Variants in EZR observed in about 807,000 individuals in gnomAD.
EZR encodes the protein cytovillin 2.
EZR carries 40 observed loss-of-function variants against 74.8 expected under a neutral mutation model. The ratio of observed to expected loss-of-function variants is 0.53; its 90% confidence interval spans 0.42 to 0.70. EZR has a LOEUF of 0.70. Ranked by LOEUF, EZR falls within the 30% of genes least tolerant of loss-of-function variation. The probability of loss-of-function intolerance (pLI) is 0.00; values close to 1 mark genes in which losing one functional copy is unlikely to be tolerated. For synonymous variants in EZR, 341 were observed against 283.3 expected (o/e 1.20, Z -2.05); for missense variants, 678 against 755.8 (o/e 0.90, Z 1.21).
chr6:158,814,347 C>A (rs987207941), intron 2 of EZR, among the ~76,000 whole-genome samples: 1 of 151,820 alleles, frequency 6.6e-6, no homozygotes, highest in African/African-American at 2.4e-5. Context: ...CCAATTTCCC[C>A]ATCAGATGAT....
chr6:158,777,164 G>A (rs1223709228), intron 7 of EZR, among the ~76,000 whole-genome samples: 1 of 152,226 alleles, frequency 6.6e-6, no homozygotes, highest in African/African-American at 2.4e-5. Context: ...GAAACCAACA[G>A]GGAGGGCCAA....
intron 10 of EZR, 138 bp from the exon 11 acceptor site, chr6:158,770,082 AG>A: frequency 8.7e-7 from 1 of 1,152,202 alleles, no homozygotes; most frequent in Admixed American, 2.6e-5. Flanking sequence ...GTGACCCTGG[AG>A]GAAAGCACTT....
At chr6:158,771,770 TG>T (rs904259552) in intron 8 of EZR, among the ~76,000 whole-genome samples, 4 of 152,170 alleles carry the variant, frequency 2.6e-5, no homozygotes, top group African/African-American at 7.2e-5. Flanking sequence ...CTCTCAGCCT[TG>T]GGAAACCTTT....
chr6:158,766,768 C>G lies in EZR; in HGVS notation c.*146G>C, dbSNP rs775749130. 8.3e-6 allele frequency: 7 copies of G among 842,164 alleles called. No individual in the cohort carries two copies. Among genetic ancestry groups the G allele is most frequent in the Non-Finnish European group, 1.3e-5 (7 of 530,768 alleles). The allele number at this position is 842,164 out of a possible 1,614,324, so 52.2% of individuals were successfully genotyped here. A position where few individuals can be genotyped will look rare whatever the true frequency, so the allele number is the denominator to read the frequency against. On this transcript the variant is annotated 3_prime_UTR_variant, in exon 14 of 14. Coordinates refer to ENST00000367075, the MANE Select transcript of EZR (RefSeq NM_001111077.2). The stretch of plus-strand genomic sequence containing the variant: ...ACCAGGGCGCCTCCCTGGTTCCCAG[C>G]CCAGAATGTTTCTGTTGGGTAACTG...
At chr6:158,787,273 C>T (rs1479572025) in intron 3 of EZR, 70 bp from the exon 4 acceptor site, 13 of 1,292,196 alleles carry the variant, frequency 1.0e-5, no homozygotes, top group Non-Finnish European at 1.5e-5. Flanking sequence ...TTTTGGCTGT[C>T]GTTCATCACA....
At chr6:158,770,574 T>C (rs981310740) in intron 10 of EZR, among the ~76,000 whole-genome samples, 190 bp downstream of exon 10, 1 of 152,172 alleles carries the variant, frequency 6.6e-6, no homozygotes, top group African/African-American at 2.4e-5. Flanking sequence ...TTAGAACAAC[T>C]AGCATCAAAG....
At chr6:158,767,592 C>T (rs1790935287) in intron 12 of EZR, 80 bp from the exon 13 acceptor site, 1 of 1,447,286 alleles carries the variant, frequency 6.9e-7, no homozygotes, top group Non-Finnish European at 9.3e-7. Context: ...TGTCACCTCC[C>T]TCTGTCCTGG....
chr6:158,777,690 C>T (rs562409352), intron 7 of EZR, among the ~76,000 whole-genome samples: 2 of 152,256 alleles, frequency 1.3e-5, no homozygotes, highest in South Asian at 2.1e-4. Context: ...ATACAGGTTT[C>T]GTTATGATCA....
At chr6:158,794,074 C>T (rs1196587054) in intron 2 of EZR, among the ~76,000 whole-genome samples, 3 of 152,154 alleles carry the variant, frequency 2.0e-5, no homozygotes, top group East Asian at 3.9e-4. Context: ...GTCAGGCGTT[C>T]GAGACCGGCC....
At chr6:158,812,947 A>C (rs1467294812) in intron 2 of EZR, among the ~76,000 whole-genome samples, 1 of 152,162 alleles carries the variant, frequency 6.6e-6, no homozygotes, top group Non-Finnish European at 1.5e-5. Flanking sequence ...CCTTGGTCCA[A>C]GCTATGAGCT....
intron 2 of EZR, among the ~76,000 whole-genome samples, chr6:158,811,503 A>G (rs1273184987): frequency 6.6e-6 from 1 of 152,248 alleles, no homozygotes; most frequent in East Asian, 1.9e-4. Context: ...TAAGAAAAAA[A>G]TTATAGTTCA....
intron 2 of EZR, among the ~76,000 whole-genome samples, chr6:158,800,494 A>G (rs1487190126): frequency 6.6e-6 from 1 of 152,202 alleles, no homozygotes; most frequent in Non-Finnish European, 1.5e-5. Context: ...GGAGGTGGAA[A>G]TAACAGTATA....
intron 8 of EZR, among the ~76,000 whole-genome samples, chr6:158,775,483 C>G (rs1209366856): frequency 2.0e-5 from 3 of 152,192 alleles, no homozygotes; most frequent in African/African-American, 7.2e-5. Context: ...CTAAGCAGTA[C>G]CCAGTCCCAA....
chr6:158,797,854 A>G (rs1317810971), intron 2 of EZR, among the ~76,000 whole-genome samples: 1 of 152,192 alleles, frequency 6.6e-6, no homozygotes, highest in Non-Finnish European at 1.5e-5. Context: ...CATAAAATTT[A>G]CCCATGGAAA....
rs779987639 is a variant in EZR at position 158,766,905 on chromosome 6, G to A, written c.*9C>T. 6 of 1,613,620 alleles carry A rather than the reference G, an allele frequency of 3.7e-6. No homozygotes were observed. Among genetic ancestry groups the A allele is most frequent in the Non-Finnish European group, 5.1e-6 (6 of 1,179,716 alleles). On this transcript the variant is annotated 3_prime_UTR_variant, in exon 14 of 14. Transcript: ENST00000367075. The stretch of plus-strand genomic sequence containing the variant: ...GAGCACCCCTCTGCCCTTGGTCCTG[G>A]CCTGGCTGTTACAGGGCCTCGAACT...
chr6:158,808,486 T>C (rs955940835), intron 2 of EZR, among the ~76,000 whole-genome samples: 1 of 147,582 alleles, frequency 6.8e-6, no homozygotes, highest in African/African-American at 2.4e-5. Context: ...TACTACATTA[T>C]TTCATCGGGC....
intron 7 of EZR, among the ~76,000 whole-genome samples, chr6:158,783,148 T>A (rs906538600): frequency 2.0e-4 from 31 of 152,004 alleles, no homozygotes; most frequent in African/African-American, 7.5e-4. Context: ...AGCACAAACC[T>A]CGAGCCAGGA....
chr6:158,787,052 CGAT>C, intron 4 of EZR, 53 bp downstream of exon 4: 1 of 1,383,588 alleles, frequency 7.2e-7, no homozygotes. Flanking sequence ...GTTTCCTTAT[CGAT>C]GAAGCAGACC....
chr6:158,791,960 G>A (rs1181310243), intron 2 of EZR, among the ~76,000 whole-genome samples: 4 of 151,750 alleles, frequency 2.6e-5, no homozygotes, highest in Non-Finnish European at 5.9e-5. Context: ...TGCCTGCCTC[G>A]GCCTCCCAAA....
Sources: gnomAD v4.1 joint callset for allele counts (sites outside exome capture counted in the v4.1 genomes callset) on GRCh38, gnomAD v4.1.1 for gene constraint, MANE v1.5 for transcripts, NCBI Gene and HGNC (gene_info 2026-07-23, HGNC 2026-07-21) for gene names.